ADAMTSL1: variants seen among roughly 807,000 people sequenced by gnomAD.
ADAMTSL1 encodes ADAMTS-like protein 1.
In ADAMTSL1, 126 loss-of-function variants were observed where a neutral mutation model predicts 201.8. The observed-to-expected ratio is 0.62, with a 90% CI of 0.54 to 0.72. The LOEUF (loss-of-function observed/expected upper bound fraction) is 0.72. ADAMTSL1 is among the 30% of genes least tolerant of loss of function. The pLI is 0.00. For synonymous variants in ADAMTSL1, 1,121 were observed against 903.4 expected (o/e 1.24, Z -4.32); for missense variants, 2,679 against 2,277.8 (o/e 1.18, Z -3.59).
intron 2 of ADAMTSL1, among the ~76,000 whole-genome samples, chr9:18,296,738 C>T (rs1378624814): frequency 6.6e-6 from 1 of 152,130 alleles, no homozygotes; most frequent in East Asian, 1.9e-4. Context: ...TCTAAATAGT[C>T]CACAGAGCCA....
At chr9:18,431,336 C>T (rs1209135027) in intron 2 of ADAMTSL1, among the ~76,000 whole-genome samples, 1 of 152,156 alleles carries the variant, frequency 6.6e-6, no homozygotes, top group East Asian at 1.9e-4. Flanking sequence ...TAAAATATCC[C>T]ATTATTGGAA....
At chr9:18,212,327 G>A (rs1829907281) in intron 2 of ADAMTSL1, among the ~76,000 whole-genome samples, 1 of 152,130 alleles carries the variant, frequency 6.6e-6, no homozygotes, top group South Asian at 2.1e-4. Context: ...CTGGGCCAAT[G>A]TTTCTTGTGT....
intron 17 of ADAMTSL1, 67 bp from the exon 18 acceptor site, chr9:18,775,676 A>T (rs538835054): frequency 1.9e-6 from 3 of 1,552,636 alleles, no homozygotes; most frequent in South Asian, 2.4e-5. Context: ...TGAGTTTGAC[A>T]GTCTATTAAA....
At chr9:18,790,384 A>G (rs1008013801) in intron 19 of ADAMTSL1, among the ~76,000 whole-genome samples, 4 of 152,150 alleles carry the variant, frequency 2.6e-5, no homozygotes, top group African/African-American at 9.7e-5. Context: ...TCAATTTGAG[A>G]AGTAGGTTCA....
chr9:18,250,786 C>T (rs1831435110), intron 2 of ADAMTSL1, among the ~76,000 whole-genome samples: 1 of 152,138 alleles, frequency 6.6e-6, no homozygotes, highest in Admixed American at 6.5e-5. Flanking sequence ...ATGTTCGAGG[C>T]TCCTCATTCC....
intron 3 of ADAMTSL1, among the ~76,000 whole-genome samples, chr9:18,537,099 G>A (rs1819822793): frequency 6.6e-6 from 1 of 152,118 alleles, no homozygotes; most frequent in Non-Finnish European, 1.5e-5. Context: ...ACAACAATAT[G>A]TATTAAGCCC....
chr9:18,907,321 G>C (rs1480788903), intron 28 of ADAMTSL1: 2 of 204,800 alleles, frequency 9.8e-6, no homozygotes, highest in African/African-American at 4.7e-5. Context: ...CAGCCAACCA[G>C]ATCTGCGCCC....
chr9:18,379,951 A>G (rs1229414812), intron 2 of ADAMTSL1, among the ~76,000 whole-genome samples: 1 of 152,190 alleles, frequency 6.6e-6, no homozygotes, highest in African/African-American at 2.4e-5. Flanking sequence ...ACGGGCATAA[A>G]GAAATAAAGC....
intron 1 of ADAMTSL1, among the ~76,000 whole-genome samples, chr9:18,057,429 A>G (rs1027460402): frequency 1.3e-5 from 2 of 152,198 alleles, no homozygotes; most frequent in African/African-American, 4.8e-5. Flanking sequence ...TTCTCCCAAT[A>G]TGAGTGTTAG....
chr9:18,437,557 C>CCCCA (rs2133437686), intron 2 of ADAMTSL1, among the ~76,000 whole-genome samples: 1 of 152,186 alleles, frequency 6.6e-6, no homozygotes, highest in Admixed American at 6.5e-5. Flanking sequence ...TCCTAACCAC[C>CCCCA]CCCACCACCT....
chr9:18,355,515 C>G (rs1201114377), intron 2 of ADAMTSL1, among the ~76,000 whole-genome samples: 4 of 151,988 alleles, frequency 2.6e-5, no homozygotes, highest in South Asian at 2.1e-4. Context: ...GTTTCTAAAG[C>G]CATTTTGATG....
At chr9:18,578,556 T>A (rs1822886115) in intron 4 of ADAMTSL1, among the ~76,000 whole-genome samples, 1 of 152,244 alleles carries the variant, frequency 6.6e-6, no homozygotes, top group Non-Finnish European at 1.5e-5. Context: ...CTCATTGGCA[T>A]GTGCCTTTGA....
At chr9:18,427,823 C>T (rs938038117) in intron 2 of ADAMTSL1, among the ~76,000 whole-genome samples, 4 of 152,224 alleles carry the variant, frequency 2.6e-5, no homozygotes, top group African/African-American at 9.6e-5. Flanking sequence ...GCCTGCTCTG[C>T]CATTCAAAAT....
chr9:18,715,220 G>T (rs539271626), intron 14 of ADAMTSL1, among the ~76,000 whole-genome samples: 6 of 149,630 alleles, frequency 4.0e-5, no homozygotes, highest in Non-Finnish European at 8.9e-5. Flanking sequence ...TCAACATAGT[G>T]TTGGAAGTTC....
chr9:18,690,016 A>G (rs1388449282), intron 13 of ADAMTSL1, among the ~76,000 whole-genome samples: 3 of 152,212 alleles, frequency 2.0e-5, no homozygotes, highest in Non-Finnish European at 4.4e-5. Flanking sequence ...AAAGAGGAAG[A>G]AAAGTAAGTA....
chr9:18,211,946 G>GAAAC (rs1479765347), intron 2 of ADAMTSL1, among the ~76,000 whole-genome samples: 1 of 152,168 alleles, frequency 6.6e-6, no homozygotes, highest in Non-Finnish European at 1.5e-5. Context: ...TCATGACAGT[G>GAAAC]TTTCTGCAGG....
In ADAMTSL1 at chr9:18,805,699, G is replaced by A. The variant is rs143023833; in HGVS notation, c.3805+10175G>A. Reference sequence around the variant, plus strand: ...CCTGCCCCTGCCCCTGCCCCCTGCAGGCATCACTAGCTCATCGTGTGTTTT... The same window carrying A: ...CCTGCCCCTGCCCCTGCCCCCTGCAAGCATCACTAGCTCATCGTGTGTTTT... On this transcript the variant is annotated intron_variant, in intron 20 of 28. Coordinates refer to ENST00000380548, the MANE Select transcript of ADAMTSL1 (RefSeq NM_001040272.6). 6.4e-4 allele frequency among the ~76,000 whole-genome samples: 97 copies of A among 152,280 alleles called. No individual in the cohort carries two copies. In the East Asian group the frequency reaches 0.012, roughly 18 times the overall value.
At chr9:17,956,540 G>A (rs764846196) in intron 1 of ADAMTSL1, among the ~76,000 whole-genome samples, 20 of 152,104 alleles carry the variant, frequency 1.3e-4, no homozygotes, top group Non-Finnish European at 2.8e-4. Flanking sequence ...GGAAGCCCGG[G>A]TGACTGTAAC....
At chr9:18,889,306 A>T (rs563106961) in intron 24 of ADAMTSL1, among the ~76,000 whole-genome samples, 22 of 152,272 alleles carry the variant, frequency 1.4e-4, no homozygotes, top group African/African-American at 5.3e-4. Flanking sequence ...CTTTACTTTC[A>T]TTATTTCCTG....
Sources: allele counts gnomAD v4.1 joint callset (sites outside exome capture counted in the v4.1 genomes callset), GRCh38; gene constraint gnomAD v4.1.1; transcripts MANE v1.5; gene names NCBI Gene and HGNC (gene_info 2026-07-23, HGNC 2026-07-21).